The following PPP6R3 variants were observed in gnomAD, a reference collection of about 807,000 sequenced individuals.
PPP6R3 encodes serine/threonine-protein phosphatase 6 regulatory subunit 3.
PPP6R3 carries 38 observed loss-of-function variants against 110.7 expected under a neutral mutation model. The observed-to-expected ratio is 0.34, with a 90% confidence interval of 0.26 to 0.45. The LOEUF is 0.45. Among genes scored for constraint, PPP6R3 ranks in the 20% least tolerant of loss-of-function variants. The pLI is 1.00. For missense variants in PPP6R3, 870 were observed against 1,062.4 expected (o/e 0.82, Z 2.52); for synonymous variants, 369 against 373.5 (o/e 0.99, Z 0.14).
At chr11:68,606,479 T>G (rs1303776201) in intron 22 of PPP6R3, among the ~76,000 whole-genome samples, 2 of 54,746 alleles carry the variant, frequency 3.7e-5, no homozygotes, top group South Asian at 3.7e-4. Context: ...ATTTATGTAG[T>G]TTTTTTTTTT....
intron 22 of PPP6R3, chr11:68,609,411 T>G (rs189667083): frequency 5.6e-6 from 4 of 719,724 alleles, no homozygotes; most frequent in Non-Finnish European, 1.0e-5. Context: ...TCTTGCTGCT[T>G]TAATGGTGGG....
intron 14 of PPP6R3, among the ~76,000 whole-genome samples, chr11:68,576,678 G>A (rs1220864440): frequency 6.6e-6 from 1 of 152,296 alleles, no homozygotes; most frequent in South Asian, 2.1e-4. Context: ...GATGGGGAAA[G>A]CATTTCCTTT....
intron 13 of PPP6R3, among the ~76,000 whole-genome samples, chr11:68,574,575 A>G (rs564403998): frequency 1.4e-3 from 211 of 152,338 alleles, no homozygotes; most frequent in Non-Finnish European, 2.6e-3. Flanking sequence ...CACTTCAGCT[A>G]TAATTTTGCC....
At chr11:68,571,785 A>T (rs1050447822) in intron 12 of PPP6R3, among the ~76,000 whole-genome samples, 1 of 152,172 alleles carries the variant, frequency 6.6e-6, no homozygotes, top group Admixed American at 6.5e-5. Context: ...AGACAGGTTT[A>T]TTGAGATATA....
chr11:68,596,392 G>A (rs2099613969), intron 19 of PPP6R3, among the ~76,000 whole-genome samples, 174 bp downstream of exon 19: 1 of 152,230 alleles, frequency 6.6e-6, no homozygotes, highest in Non-Finnish European at 1.5e-5. Context: ...CAGCTTCAGG[G>A]AAGGAGCACA....
intron 1 of PPP6R3, among the ~76,000 whole-genome samples, chr11:68,511,462 G>A (rs2099108978): frequency 6.8e-6 from 1 of 146,222 alleles, no homozygotes; most frequent in Non-Finnish European, 1.5e-5. Context: ...TACTGTGTTA[G>A]AGTGTGTGTG....
At chr11:68,467,719 C>G (rs2098758423) in intron 1 of PPP6R3, among the ~76,000 whole-genome samples, 1 of 152,188 alleles carries the variant, frequency 6.6e-6, no homozygotes, top group South Asian at 2.1e-4. Context: ...ACTGAGGCTT[C>G]CATTCGTGAG....
In PPP6R3 at chr11:68,613,970, A is replaced by G; in HGVS notation, c.*853A>G. 1.0e-6 allele frequency: 1 copy of G among 957,258 alleles called. No homozygotes were observed. Among genetic ancestry groups the G allele is most frequent in the Non-Finnish European group, 1.2e-6 (1 of 820,406 alleles). The allele number at this position is 957,258 out of a possible 1,614,324, so 59.3% of individuals were successfully genotyped here. On this transcript the variant is annotated 3_prime_UTR_variant, in exon 24 of 24. Coordinates refer to ENST00000393800, the MANE Select transcript of PPP6R3 (RefSeq NM_001164161.2). ...TCATTTGGTAGTTCATCTGCCTTTT[A>G]ACCCATTCACCAAAATTTACCTTGT...
chr11:68,532,905 T>G (rs1002363710), intron 2 of PPP6R3, among the ~76,000 whole-genome samples: 2 of 152,222 alleles, frequency 1.3e-5, no homozygotes, highest in African/African-American at 4.8e-5. Context: ...TGTAAGTCAC[T>G]CTATGATGTT....
At chr11:68,505,841 G>A (rs2099073257) in intron 1 of PPP6R3, among the ~76,000 whole-genome samples, 1 of 152,064 alleles carries the variant, frequency 6.6e-6, no homozygotes, top group Non-Finnish European at 1.5e-5. Flanking sequence ...AATGCTAACG[G>A]TGGAGACTAA....
intron 21 of PPP6R3, 125 bp downstream of exon 21, chr11:68,602,094 G>C (rs956020906): frequency 3.0e-6 from 2 of 665,906 alleles, no homozygotes; most frequent in Admixed American, 6.4e-5. Flanking sequence ...TGTCCACAGG[G>C]CAGCTGATGA....
chr11:68,497,024 G>T (rs1484152802), intron 1 of PPP6R3, among the ~76,000 whole-genome samples: 1 of 150,168 alleles, frequency 6.7e-6, no homozygotes, highest in Non-Finnish European at 1.5e-5. Flanking sequence ...TCCACGCCCG[G>T]CTAATTTTTT....
At chr11:68,582,895 G>A (rs2099566461) in intron 14 of PPP6R3, 148 bp from the exon 15 acceptor site, 5 of 632,192 alleles carry the variant, frequency 7.9e-6, no homozygotes, top group Non-Finnish European at 1.3e-5. Flanking sequence ...CACATTGGGC[G>A]GGTTTGGCAG....
At position 68,603,366 on chromosome 11, in the gene PPP6R3, C is replaced by G. The variant is rs755894590; in HGVS notation, c.2324C>G (p.Ala775Gly). The change falls in exon 22 of 24, where the codon GCC (alanine) becomes GGC (glycine). Residue 775 changes from alanine (A) to glycine (G), a missense_variant. Physicochemically the swap from Ala to Gly is moderately conservative, Grantham distance 60. Transcript: ENST00000393800. Reference protein sequence around the residue: ...PEAAGSVAMEASSDGEEDAES... With the variant: ...PEAAGSVAMEGSSDGEEDAES... ...GCGGCAGGCAGTGTGGCCATGGAAG[C>G]CAGCTCTGACGGAGAGGAGGATGCA... is the stretch of plus-strand genomic sequence containing the variant. 5 of 1,613,936 alleles carry G rather than the reference C, an allele frequency of 3.1e-6. No homozygotes were observed. The highest frequency in any genetic ancestry group is 4.2e-6 in the Non-Finnish European group (5 of 1,179,996).
intron 2 of PPP6R3, among the ~76,000 whole-genome samples, chr11:68,528,123 A>G (rs920339279): frequency 2.0e-5 from 3 of 152,168 alleles, no homozygotes; most frequent in African/African-American, 7.2e-5. Flanking sequence ...ACCATCTGTC[A>G]TATTACTCCT....
At chr11:68,475,908 G>A (rs999860218) in intron 1 of PPP6R3, among the ~76,000 whole-genome samples, 11 of 150,652 alleles carry the variant, frequency 7.3e-5, no homozygotes, top group Non-Finnish European at 1.0e-4. Flanking sequence ...GACGATGGGC[G>A]GCCGGGCAGA....
intron 5 of PPP6R3, among the ~76,000 whole-genome samples, chr11:68,548,888 T>C (rs934378904): frequency 1.1e-4 from 16 of 152,096 alleles, no homozygotes; most frequent in Non-Finnish European, 2.1e-4. Flanking sequence ...TTTGTGTCTT[T>C]CCCTCTTCCT....
At chr11:68,508,531 G>A (rs1565493001) in intron 1 of PPP6R3, among the ~76,000 whole-genome samples, 1 of 151,994 alleles carries the variant, frequency 6.6e-6, no homozygotes, top group East Asian at 1.9e-4. Context: ...TAATAGGATG[G>A]AAAAGTACTT....
chr11:68,564,581 TGCTTTTGAGTGGA>T, intron 9 of PPP6R3, 149 bp downstream of exon 9: 1 of 817,706 alleles, frequency 1.2e-6, no homozygotes, highest in Non-Finnish European at 1.8e-6. Flanking sequence ...TGATTTTTAC[TGCTTTTGAGTGGA>T]GAATGGAGAA....
Sources: gnomAD v4.1 joint callset for allele counts (sites outside exome capture counted in the v4.1 genomes callset) on GRCh38, gnomAD v4.1.1 for gene constraint, MANE v1.5 for transcripts, NCBI Gene and HGNC (gene_info 2026-07-23, HGNC 2026-07-21) for gene names.